The following GFM2 variants were observed in gnomAD, a reference collection of about 807,000 sequenced individuals.
GFM2 encodes the protein GTP dependent ribosome recycling factor mitochondrial 2.
Under a neutral mutation model 95.4 loss-of-function variants are expected in GFM2, and 72 were observed. The ratio of observed to expected loss-of-function variants is 0.76; its 90% confidence interval spans 0.62 to 0.92. The LOEUF (loss-of-function observed/expected upper bound fraction) is 0.92. GFM2 is among the 40% of genes least tolerant of loss of function. GFM2 has a pLI of 0.00. For synonymous variants in GFM2, 276 were observed against 317.5 expected, an observed-to-expected ratio of 0.87 and a Z score of 1.39; for missense variants, 825 against 924.1, an observed-to-expected ratio of 0.89 and a Z score of 1.39.
At chr5:74,747,569 G>A in intron 8 of GFM2, 123 bp downstream of exon 8, 1 of 550,502 alleles carries the variant, frequency 1.8e-6, no homozygotes, top group Non-Finnish European at 3.2e-6. Context: ...GGATTCCATG[G>A]AATATTTATA....
At chr5:74,738,221 C>T in intron 14 of GFM2, 97 bp downstream of exon 14, 1 of 843,866 alleles carries the variant, frequency 1.2e-6, no homozygotes, top group Non-Finnish European at 1.9e-6. Flanking sequence ...TATTGATGGA[C>T]ATTTGGATTG....
intron 16 of GFM2, among the ~76,000 whole-genome samples, chr5:74,731,356 C>T (rs527628618): frequency 2.0e-5 from 3 of 152,242 alleles, no homozygotes; most frequent in African/African-American, 4.8e-5. Flanking sequence ...AAGGTATTAG[C>T]GTATTAGCTT....
intron 6 of GFM2, among the ~76,000 whole-genome samples, chr5:74,751,069 T>C (rs937670343): frequency 1.3e-5 from 2 of 152,102 alleles, no homozygotes; most frequent in Non-Finnish European, 2.9e-5. Flanking sequence ...TCTAAGCTAG[T>C]CAAATACATA....
intron 15 of GFM2, among the ~76,000 whole-genome samples, chr5:74,735,700 G>A (rs6877188): frequency 0.16 from 24,368 of 152,126 alleles, 2,366 homozygotes; most frequent in African/African-American, 0.27. Flanking sequence ...AAAAGAGCAC[G>A]GTACCTTCAG....
intron 20 of GFM2, 164 bp downstream of exon 20, chr5:74,722,215 A>T: frequency 1.6e-6 from 1 of 637,292 alleles, no homozygotes; most frequent in Non-Finnish European, 2.7e-6. Context: ...CCAACAATTT[A>T]AATTCAAAGT....
intron 15 of GFM2, 165 bp downstream of exon 15, chr5:74,736,631 A>C: frequency 7.0e-7 from 1 of 1,438,350 alleles, no homozygotes; most frequent in South Asian, 1.5e-5. Flanking sequence ...GCATTTGTAA[A>C]AATCAAAACA....
At chr5:74,747,913 A>G (rs1482237045) in intron 7 of GFM2, 133 bp from the exon 8 acceptor site, 1 of 575,588 alleles carries the variant, frequency 1.7e-6, no homozygotes, top group Non-Finnish European at 3.1e-6. Flanking sequence ...GTGCAACTGC[A>G]CTTATATTTT....
chr5:74,731,964 AT>A (rs1207990275), intron 16 of GFM2, among the ~76,000 whole-genome samples: 2 of 134,258 alleles, frequency 1.5e-5, no homozygotes, highest in Admixed American at 7.3e-5. Context: ...ATTTTTATTT[AT>A]TTTTTTCAAG....
At chr5:74,737,006 T>A (rs1463328200) in intron 14 of GFM2, 21 bp from the exon 15 acceptor site, 5 of 1,611,448 alleles carry the variant, frequency 3.1e-6, no homozygotes, top group Non-Finnish European at 4.2e-6. Context: ...ACAAGATGAC[T>A]TGGAACGAAA....
At chr5:74,751,631 T>C (rs1743718810) in intron 5 of GFM2, 138 bp from the exon 6 acceptor site, 1 of 544,048 alleles carries the variant, frequency 1.8e-6, no homozygotes, top group South Asian at 3.5e-5. Flanking sequence ...GCCTTTACTC[T>C]TTCACTAAGT....
At chr5:74,760,302 T>C (rs1242781219) in intron 3 of GFM2, among the ~76,000 whole-genome samples, 1 of 152,116 alleles carries the variant, frequency 6.6e-6, no homozygotes, top group Admixed American at 6.6e-5. Context: ...CCCTTGTAAG[T>C]CAACAGCCAA....
At position 74,740,560 on chromosome 5, in the gene GFM2, A is replaced by C. The variant is rs960337857; in HGVS notation, c.931-423T>G. On this transcript the variant is annotated intron_variant, in intron 11 of 20. Coordinates refer to ENST00000296805, the MANE Select transcript of GFM2 (RefSeq NM_032380.5). ...CCATATTAAACAAAATCCTAAGGGAAAAATGAGAAATCCAAGTAGGAAAAT... is the reference window on the plus strand; with the variant it reads ...CCATATTAAACAAAATCCTAAGGGACAAATGAGAAATCCAAGTAGGAAAAT... Among the ~76,000 whole-genome samples, 4 of 152,178 alleles carry C rather than the reference A, an allele frequency of 2.6e-5. No homozygotes were observed. The South Asian group carries it at 8.3e-4, about 31-fold the overall frequency.
intron 1 of GFM2, among the ~76,000 whole-genome samples, chr5:74,765,587 C>T (rs993438770): frequency 1.3e-5 from 2 of 151,952 alleles, no homozygotes; most frequent in South Asian, 2.1e-4. Context: ...CGGGGAGGGG[C>T]GCATTAAAGG....
At chr5:74,743,903 G>C (rs1036132717) in intron 10 of GFM2, among the ~76,000 whole-genome samples, 2 of 152,180 alleles carry the variant, frequency 1.3e-5, no homozygotes, top group African/African-American at 2.4e-5. Context: ...TAAGGTTCTT[G>C]TGAGGGTTTA....
chr5:74,721,804 C>A, intron 20 of GFM2, 21 bp from the exon 21 acceptor site: 4 of 1,584,892 alleles, frequency 2.5e-6, no homozygotes, highest in Middle Eastern at 3.4e-4. Context: ...TAATTTAAGT[C>A]ATTTATATTA....
At chr5:74,726,638 G>T (rs1750160990) in intron 17 of GFM2, among the ~76,000 whole-genome samples, 1 of 151,936 alleles carries the variant, frequency 6.6e-6, no homozygotes, top group South Asian at 2.1e-4. Context: ...AGTGTTTTTG[G>T]TAAGATTGAA....
chr5:74,732,983 T>A, intron 16 of GFM2, 39 bp downstream of exon 16: 4 of 1,033,952 alleles, frequency 3.9e-6, no homozygotes, highest in Non-Finnish European at 6.0e-6. Flanking sequence ...CACACACTCT[T>A]ATAGAAAGGC....
At position 74,746,026 on chromosome 5, in the gene GFM2, A is replaced by G; in HGVS notation, c.669+79T>C. 7 of 1,136,146 alleles carry G rather than the reference A, an allele frequency of 6.2e-6. No homozygotes were observed. The South Asian group carries it at 1.0e-4, about 17-fold the overall frequency. The allele number at this position is 1,136,146 out of a possible 1,614,324, so 70.4% of individuals were successfully genotyped here. On this transcript the variant is annotated intron_variant, in intron 9 of 20. Transcript: ENST00000296805. ...CCAACTTCTTCAAAAATGATGAGAT[A>G]GCTTTGGAAATGTATATATTGTCAC...
intron 19 of GFM2, among the ~76,000 whole-genome samples, chr5:74,723,732 C>T (rs1247485170): frequency 2.6e-5 from 4 of 152,134 alleles, no homozygotes; most frequent in Admixed American, 6.6e-5. Context: ...TCTGGTACTA[C>T]AGTTAAAAGG....
Sources: gnomAD v4.1 joint callset for allele counts (sites outside exome capture counted in the v4.1 genomes callset) on GRCh38, gnomAD v4.1.1 for gene constraint, MANE v1.5 for transcripts, NCBI Gene and HGNC (gene_info 2026-07-23, HGNC 2026-07-21) for gene names.